The following ANK2 variants were observed in gnomAD, a reference collection of about 807,000 sequenced individuals.
ANK2 encodes ankyrin 2.
A neutral mutation model predicts 360.5 loss-of-function variants in ANK2; 83 were observed. The observed-to-expected ratio is 0.23, with a 90% confidence interval of 0.19 to 0.28. ANK2 has a LOEUF of 0.28. Ranked by LOEUF, ANK2 falls within the 10% of genes least tolerant of loss-of-function variation. The pLI is 1.00. For synonymous variants in ANK2, 1,740 were observed against 1,759.5 expected (o/e 0.99, Z 0.28); for missense variants, 4,201 against 4,795.7 (o/e 0.88, Z 3.66).
intron 2 of ANK2, among the ~76,000 whole-genome samples, chr4:113,008,370 T>C (rs1263853721): frequency 6.6e-6 from 1 of 152,130 alleles, no homozygotes; most frequent in Non-Finnish European, 1.5e-5. Flanking sequence ...AATTCTGATA[T>C]GCCAATAGAA....
intron 1 of ANK2, among the ~76,000 whole-genome samples, chr4:113,064,144 A>T (rs751375039): frequency 4.6e-5 from 7 of 152,188 alleles, no homozygotes; most frequent in Non-Finnish European, 8.8e-5. Context: ...AATTGTTTAC[A>T]GGTGTTAAAG....
the ANK2 span, among the ~76,000 whole-genome samples, chr4:112,795,658 C>A: frequency 6.6e-6 from 1 of 152,056 alleles, no homozygotes; most frequent in South Asian, 2.1e-4. Context: ...TGCCTGCCAC[C>A]ACACCTGGCT....
At chr4:112,881,451 T>C (rs559918915) in intron 1 of ANK2, among the ~76,000 whole-genome samples, 1 of 152,286 alleles carries the variant, frequency 6.6e-6, no homozygotes, top group East Asian at 1.9e-4. Context: ...AACAAAAAAC[T>C]AATGGAATTG....
upstream of ANK2, among the ~76,000 whole-genome samples, chr4:112,815,512 T>A (rs1276796930): frequency 1.3e-5 from 2 of 152,160 alleles, no homozygotes; most frequent in Non-Finnish European, 2.9e-5. Context: ...ATAAGGCCCT[T>A]TCAACCAAAC....
chr4:112,939,457 G>C (rs1158369655), intron 2 of ANK2, among the ~76,000 whole-genome samples: 1 of 149,616 alleles, frequency 6.7e-6, no homozygotes, highest in Non-Finnish European at 1.5e-5. Context: ...TTACAGGCGT[G>C]TGCCACCATG....
At chr4:113,251,475 CTTTTTTTTTTTT>C (rs1167630240) in intron 10 of ANK2, among the ~76,000 whole-genome samples, 15 of 88,102 alleles carry the variant, frequency 1.7e-4, no homozygotes, top group Admixed American at 3.0e-4. Flanking sequence ...AATACAAAAT[CTTTTTTTTTTTT>C]TTTTTTTTTT....
At chr4:112,754,192 A>T in the ANK2 span, among the ~76,000 whole-genome samples, 1 of 147,162 alleles carries the variant, frequency 6.8e-6, no homozygotes, top group East Asian at 2.0e-4. Context: ...AGTTGTTCAC[A>T]GGTTCTCTCT....
upstream of ANK2, among the ~76,000 whole-genome samples, chr4:113,045,718 T>C (rs1207482021): frequency 1.3e-5 from 2 of 152,200 alleles, no homozygotes; most frequent in Non-Finnish European, 2.9e-5. Flanking sequence ...AAAATGCAAA[T>C]GTAAGGTATT....
intron 9 of ANK2, among the ~76,000 whole-genome samples, chr4:113,248,353 G>A (rs187080507): frequency 2.0e-5 from 3 of 152,270 alleles, no homozygotes; most frequent in Admixed American, 6.5e-5. Flanking sequence ...AAAGTGAGAA[G>A]TACAGGAGAC....
chr4:112,924,262 G>A (rs1328362152), intron 2 of ANK2, among the ~76,000 whole-genome samples: 2 of 151,794 alleles, frequency 1.3e-5, no homozygotes, highest in East Asian at 1.9e-4. Context: ...CCAGCTACTC[G>A]GGAGGCTGAG....
intron 13 of ANK2, 35 bp downstream of exon 13, chr4:113,258,446 G>C (rs755895253): frequency 6.4e-7 from 1 of 1,574,668 alleles, no homozygotes; most frequent in South Asian, 1.1e-5. Flanking sequence ...ACCCCAGGGA[G>C]GAAGAGCGAG....
At chr4:112,994,937 A>G (rs2048039722) in intron 2 of ANK2, among the ~76,000 whole-genome samples, 1 of 152,104 alleles carries the variant, frequency 6.6e-6, no homozygotes, top group Non-Finnish European at 1.5e-5. Context: ...ACATGACTTC[A>G]TTCCTTTTTT....
chr4:113,204,409 G>T (rs1264500371), intron 4 of ANK2, among the ~76,000 whole-genome samples: 1 of 152,148 alleles, frequency 6.6e-6, no homozygotes, highest in Admixed American at 6.5e-5. Flanking sequence ...AGGGCTAGAA[G>T]TTCTCATGAG....
intron 1 of ANK2, among the ~76,000 whole-genome samples, chr4:113,061,348 G>A (rs866215506): frequency 6.6e-6 from 1 of 152,088 alleles, no homozygotes; most frequent in African/African-American, 2.4e-5. Flanking sequence ...CATCCAGTGG[G>A]AGACTAAAGC....
At chr4:112,844,085 T>C (rs1019241221) in intron 1 of ANK2, among the ~76,000 whole-genome samples, 5 of 152,204 alleles carry the variant, frequency 3.3e-5, no homozygotes, top group African/African-American at 1.2e-4. Context: ...AAAAATTTAC[T>C]ATTGTGAATA....
intron 2 of ANK2, among the ~76,000 whole-genome samples, chr4:113,187,982 G>A (rs1459045642): frequency 6.6e-6 from 1 of 152,148 alleles, no homozygotes; most frequent in African/African-American, 2.4e-5. Context: ...TACATAGTGT[G>A]TGTGCGTATA....
At chr4:113,286,253 AT>A (rs1158632064) in intron 18 of ANK2, among the ~76,000 whole-genome samples, 7 of 152,306 alleles carry the variant, frequency 4.6e-5, no homozygotes, top group African/African-American at 1.4e-4. Context: ...TAATATTCAC[AT>A]TTTTTATACA....
intron 2 of ANK2, among the ~76,000 whole-genome samples, chr4:113,019,988 G>T (rs1356015716): frequency 6.6e-6 from 1 of 152,128 alleles, no homozygotes; most frequent in Non-Finnish European, 1.5e-5. Flanking sequence ...CATAGGTCTT[G>T]CTATGATTTG....
In ANK2 at chr4:113,043,190, G is replaced by A. The variant is rs72896498; in HGVS notation, c.22-131226G>A. Among the ~76,000 whole-genome samples the A allele has an allele frequency of 4.1e-3, 623 of 152,222 alleles. 5 individuals carry two copies. The highest frequency in any genetic ancestry group is 0.014 in the African/African-American group (580 of 41,542). On this transcript the variant is annotated intron_variant, in intron 2 of 30. Transcript: ENST00000503271. ...AGTACTTCTTGCTGATGCTGATGGT[G>A]TAACTACTAAGAACTGGGAGAAATA...
Sources: gnomAD v4.1 joint callset for allele counts (sites outside exome capture counted in the v4.1 genomes callset) on GRCh38, gnomAD v4.1.1 for gene constraint, MANE v1.5 for transcripts, NCBI Gene and HGNC (gene_info 2026-07-23, HGNC 2026-07-21) for gene names.